The following GFM2 variants were observed in gnomAD, a reference collection of about 807,000 sequenced individuals.
GFM2 encodes GTP dependent ribosome recycling factor mitochondrial 2, also known as ribosome-releasing factor 2, mitochondrial.
A neutral mutation model predicts 95.4 loss-of-function variants in GFM2; 72 were observed. The observed-to-expected ratio is 0.76, with a 90% CI of 0.62 to 0.92. The LOEUF is 0.92. GFM2 is among the 40% of genes least tolerant of loss of function. GFM2 has a pLI of 0.00. For synonymous variants in GFM2, 276 were observed against 317.5 expected (o/e 0.87, Z 1.39); for missense variants, 825 against 924.1 (o/e 0.89, Z 1.39).
intron 8 of GFM2, 73 bp downstream of exon 8, chr5:74,747,618 AT>A (rs1561252508): frequency 1.2e-6 from 1 of 838,916 alleles, no homozygotes. Flanking sequence ...CTATTCCTAA[AT>A]TTAAGTTATA....
At chr5:74,758,038 A>G (rs753285507) in intron 5 of GFM2, among the ~76,000 whole-genome samples, 1 of 152,200 alleles carries the variant, frequency 6.6e-6, no homozygotes, top group Non-Finnish European at 1.5e-5. Context: ...TATACTTAAC[A>G]CTACCAAAAT....
chr5:74,745,907 C>T (rs746534968), intron 9 of GFM2, 50 bp from the exon 10 acceptor site: 1 of 1,439,024 alleles, frequency 6.9e-7, no homozygotes, highest in Admixed American at 1.9e-5. Context: ...TCACTGAAAA[C>T]TACAATGATG....
chr5:74,737,021 C>T (rs1271451347), intron 14 of GFM2, 36 bp from the exon 15 acceptor site: 3 of 1,608,536 alleles, frequency 1.9e-6, no homozygotes, highest in Non-Finnish European at 2.5e-6. Flanking sequence ...ACGAAAGTGG[C>T]ATTTAGCAAG....
intron 8 of GFM2, among the ~76,000 whole-genome samples, chr5:74,746,388 A>T (rs1407684685): frequency 1.3e-5 from 2 of 152,228 alleles, no homozygotes; most frequent in East Asian, 3.9e-4. Context: ...TAATCCAGCC[A>T]CAGAGCTGTT....
Position 74,729,678 on chromosome 5 carries a change from C to CTTT in GFM2, c.1726+579_1726+581dup, listed in dbSNP as rs35280586. 4.0e-4 allele frequency among the ~76,000 whole-genome samples: 54 copies of CTTT among 134,858 alleles called. 1 individual carries two copies. The highest frequency in any genetic ancestry group is 8.0e-4 in the African/African-American group (30 of 37,570). 88.5% of individuals were successfully genotyped at this position (134,858 alleles called of 152,430 possible). A position where few individuals can be genotyped will look rare whatever the true frequency, so the allele number is the denominator to read the frequency against. On this transcript the variant is annotated intron_variant, in intron 17 of 20. Transcript: ENST00000296805. ...GAAAGTACCTGGTTATCCTAAACGT[C>CTTT]TTTTTTTTTTTTTTTTTAAACAATT...
In GFM2 at chr5:74,727,419, C is replaced by A. The variant is rs533236281; in HGVS notation, c.1727-1293G>T. Among the ~76,000 whole-genome samples the A allele has an allele frequency of 2.6e-5, 4 of 152,098 alleles. No individual in the cohort carries two copies. In the South Asian group the frequency reaches 8.3e-4, roughly 32 times the overall value. On this transcript the variant is annotated intron_variant, in intron 17 of 20. Coordinates refer to ENST00000296805, the MANE Select transcript of GFM2 (RefSeq NM_032380.5). ...TTAAATTTGTTATGCCATATGTATACGGCAACTTTTTTGTTCTATGTGTTT... is the reference window on the plus strand; with the variant it reads ...TTAAATTTGTTATGCCATATGTATAAGGCAACTTTTTTGTTCTATGTGTTT...
In GFM2 at chr5:74,736,992, G is replaced by T. The variant is rs1561243445; in HGVS notation, c.1321-7C>A. Reference sequence around the variant, plus strand: ...TGGTGTCTCCAGTGGCAGTCTGCAAGCAAACAAGATGACTTGGAACGAAAG... The same window carrying T: ...TGGTGTCTCCAGTGGCAGTCTGCAATCAAACAAGATGACTTGGAACGAAAG... On this transcript the variant is annotated splice_polypyrimidine_tract_variant and splice_region_variant and intron_variant, in intron 14 of 20. Transcript: ENST00000296805. The T allele has an allele frequency of 5.0e-6, 8 of 1,612,614 alleles. No individual in the cohort carries two copies. Among genetic ancestry groups the T allele is most frequent in the Non-Finnish European group, 6.8e-6 (8 of 1,179,444 alleles).
At chr5:74,738,255 G>C (rs528642095) in intron 14 of GFM2, 63 bp downstream of exon 14, 1 of 1,250,170 alleles carries the variant, frequency 8.0e-7, no homozygotes, top group East Asian at 2.3e-5. Context: ...GATATTACAA[G>C]TTGCTTACTT....
intron 5 of GFM2, 111 bp from the exon 6 acceptor site, chr5:74,751,604 A>G (rs1743717965): frequency 1.3e-6 from 1 of 767,314 alleles, no homozygotes. Context: ...CTTTCCTAAA[A>G]TATTTGGTTT....
intron 2 of GFM2, among the ~76,000 whole-genome samples, chr5:74,761,799 A>G (rs1428486186): frequency 1.3e-5 from 2 of 152,186 alleles, no homozygotes; most frequent in East Asian, 3.8e-4. Flanking sequence ...ACCACTAGAT[A>G]TACATTTAAT....
At position 74,760,882 on chromosome 5, in the gene GFM2, G is replaced by T. The variant is rs762158006; in HGVS notation, c.148+20C>A. Reference sequence around the variant, plus strand: ...AAAGCAAACAGCTTAGATAAAATTAGAAGACTCTAACATTTGTACCTGGTA... The same window carrying T: ...AAAGCAAACAGCTTAGATAAAATTATAAGACTCTAACATTTGTACCTGGTA... On this transcript the variant is annotated intron_variant, in intron 3 of 20. Transcript: ENST00000296805. 1.0e-5 allele frequency: 15 copies of T among 1,461,988 alleles called. No homozygotes were observed. Among genetic ancestry groups the T allele is most frequent in the Admixed American group, 1.9e-5 (1 of 53,722 alleles). 90.6% of individuals were successfully genotyped at this position (1,461,988 alleles called of 1,614,324 possible).
intron 7 of GFM2, among the ~76,000 whole-genome samples, chr5:74,748,927 T>TAA (rs372015385): frequency 2.2e-5 from 3 of 139,428 alleles, no homozygotes; most frequent in Non-Finnish European, 3.1e-5. Context: ...TAAAAAAAAA[T>TAA]AAAAAAAATA....
intron 15 of GFM2, among the ~76,000 whole-genome samples, chr5:74,734,448 G>A (rs1193146103): frequency 6.6e-6 from 1 of 152,022 alleles, no homozygotes; most frequent in East Asian, 1.9e-4. Context: ...GGGCTCCAAG[G>A]ACCAGCAACA....
intron 7 of GFM2, among the ~76,000 whole-genome samples, chr5:74,749,932 A>AC (rs1302380410): frequency 2.0e-5 from 3 of 152,304 alleles, no homozygotes; most frequent in Non-Finnish European, 2.9e-5. Context: ...TAACACTGTG[A>AC]TCCACTCCAA....
intron 1 of GFM2, chr5:74,765,140 T>C (rs898484913): frequency 1.7e-6 from 2 of 1,181,358 alleles, no homozygotes; most frequent in African/African-American, 3.2e-5. Context: ...TCATAGTCTC[T>C]CCACAGTTGT....
intron 2 of GFM2, among the ~76,000 whole-genome samples, chr5:74,761,886 T>C (rs1434477309): frequency 6.6e-6 from 1 of 152,214 alleles, no homozygotes; most frequent in Non-Finnish European, 1.5e-5. Context: ...TTTCATGAAC[T>C]GCGTATCTGT....
intron 20 of GFM2, chr5:74,722,176 C>T (rs1749924233): frequency 3.5e-6 from 2 of 577,120 alleles, no homozygotes; most frequent in African/African-American, 1.9e-5. Flanking sequence ...GTAAATACCC[C>T]CTTGTAGTGC....
chr5:74,750,746 T>C (rs755342222), intron 6 of GFM2, 79 bp from the exon 7 acceptor site: 3 of 972,254 alleles, frequency 3.1e-6, no homozygotes, highest in African/African-American at 1.6e-5. Context: ...ATCTCACTCC[T>C]GGGGAGGGGT....
chr5:74,752,328 T>C (rs1743759773), intron 5 of GFM2, among the ~76,000 whole-genome samples: 1 of 152,202 alleles, frequency 6.6e-6, no homozygotes, highest in Non-Finnish European at 1.5e-5. Flanking sequence ...ATCATGGCCT[T>C]ATACTACCAT....
Sources: gnomAD v4.1 joint callset for allele counts (sites outside exome capture counted in the v4.1 genomes callset) on GRCh38, gnomAD v4.1.1 for gene constraint, MANE v1.5 for transcripts, NCBI Gene and HGNC (gene_info 2026-07-23, HGNC 2026-07-21) for gene names.